The following NCOA6 variants were observed in gnomAD, a reference collection of about 807,000 sequenced individuals.
NCOA6 encodes the protein nuclear receptor coactivator 6, also known as NRC RAP250.
Under a neutral mutation model 171.4 loss-of-function variants are expected in NCOA6, and 49 were observed. The ratio of observed to expected loss-of-function variants is 0.29; its 90% CI spans 0.23 to 0.36. The LOEUF (loss-of-function observed/expected upper bound fraction) is 0.36, where lower values mean the gene tolerates loss of function less well. Ranked by LOEUF, NCOA6 falls within the 10% of genes least tolerant of loss-of-function variation. The probability of loss-of-function intolerance (pLI) is 1.00; values close to 1 mark genes in which losing one functional copy is unlikely to be tolerated. For synonymous variants in NCOA6, 910 were observed against 927.5 expected, an observed-to-expected ratio of 0.98 and a Z score of 0.34; for missense variants, 2,248 against 2,554.5, an observed-to-expected ratio of 0.88 and a Z score of 2.59.
At chr20:34,812,852 C>T (rs1193412288) in intron 1 of NCOA6, among the ~76,000 whole-genome samples, 1 of 151,716 alleles carries the variant, frequency 6.6e-6, no homozygotes, top group Non-Finnish European at 1.5e-5. Context: ...CCCACTTCTA[C>T]AAAAAAAATT....
chr20:34,802,836 C>G (rs112103760), intron 1 of NCOA6, among the ~76,000 whole-genome samples: 1,939 of 152,210 alleles, frequency 0.013, 21 homozygotes, highest in Non-Finnish European at 0.021. Flanking sequence ...TTTTTTGAGT[C>G]AGGGTCTCAC....
At chr20:34,813,346 A>C (rs1601146233) in intron 1 of NCOA6, among the ~76,000 whole-genome samples, 1 of 151,804 alleles carries the variant, frequency 6.6e-6, no homozygotes, top group East Asian at 1.9e-4. Context: ...GGCACCTGTA[A>C]TCCCAGCTAC....
At chr20:34,768,279 T>C (rs1405902169) in intron 5 of NCOA6, among the ~76,000 whole-genome samples, 185 bp downstream of exon 5, 1 of 152,206 alleles carries the variant, frequency 6.6e-6, no homozygotes, top group Non-Finnish European at 1.5e-5. Flanking sequence ...GACCAAAAGA[T>C]TGCAAAGATG....
chr20:34,808,437 T>C (rs1010029110), intron 1 of NCOA6, among the ~76,000 whole-genome samples: 2 of 132,096 alleles, frequency 1.5e-5, no homozygotes, highest in African/African-American at 3.0e-5. Flanking sequence ...TTGTCTGTGC[T>C]TTTTTTTTTT....
chr20:34,732,540 G>A lies in NCOA6; in HGVS notation c.5999+19C>T, dbSNP rs1332636881. 1 of 1,612,010 alleles carries A rather than the reference G, an allele frequency of 6.2e-7. No homozygotes were observed. The highest frequency in any genetic ancestry group is 8.5e-7 in the Non-Finnish European group (1 of 1,178,362). On this transcript the variant is annotated intron_variant, in intron 13 of 14. Coordinates refer to ENST00000359003, the MANE Select transcript of NCOA6 (RefSeq NM_014071.5). ...CTTATGCTGTGTTCATGCTACGTCT[G>A]CAGAAATGATCATCTTACCTTTGTC...
In NCOA6 at chr20:34,741,212, G is replaced by C; in HGVS notation, c.5044C>G (p.Pro1682Ala). The C allele has an allele frequency of 6.2e-7, 1 of 1,614,226 alleles. No homozygotes were observed. Among genetic ancestry groups the C allele is most frequent in the South Asian group, 1.1e-5 (1 of 91,082 alleles). ...ATCAGGCCAGAGTTGGTTGTCAGTG[G>C]GGCTGCAGGAATTGTGCTTGGCTGT... ...GSQPSTIPAA[P>A]LTTNSGLMPP... The change falls in exon 11 of 15, where the codon CCA becomes GCA. Residue 1682 changes from proline (P) to alanine (A), a missense_variant. Coordinates refer to ENST00000359003, the MANE Select transcript of NCOA6 (RefSeq NM_014071.5).
chr20:34,722,477 C>G (rs1351408191), intron 14 of NCOA6, among the ~76,000 whole-genome samples: 1 of 151,772 alleles, frequency 6.6e-6, no homozygotes, highest in Non-Finnish European at 1.5e-5. Context: ...GCTAGGAGCT[C>G]AAGATCAGCC....
At chr20:34,812,439 T>A (rs6060060) in intron 1 of NCOA6, among the ~76,000 whole-genome samples, 97 of 152,210 alleles carry the variant, frequency 6.4e-4, no homozygotes, top group African/African-American at 2.2e-3. Context: ...TTGGTAGGGA[T>A]AATAGACAAT....
intron 4 of NCOA6, among the ~76,000 whole-genome samples, chr20:34,772,227 T>C (rs552635045): frequency 7.9e-5 from 12 of 151,962 alleles, no homozygotes; most frequent in Middle Eastern, 3.4e-3. Flanking sequence ...GATGGGAGGA[T>C]TGCTTAAGCC....
At chr20:34,805,428 T>C (rs1461819996) in intron 1 of NCOA6, among the ~76,000 whole-genome samples, 1 of 152,202 alleles carries the variant, frequency 6.6e-6, no homozygotes, top group Non-Finnish European at 1.5e-5. Flanking sequence ...GTGCCTGGCT[T>C]ATTTCACTTA....
At chr20:34,720,790 C>T (rs905735506) in intron 14 of NCOA6, among the ~76,000 whole-genome samples, 2 of 152,282 alleles carry the variant, frequency 1.3e-5, no homozygotes, top group African/African-American at 4.8e-5. Context: ...ATTTTAGAAA[C>T]CAGCTTGATA....
At chr20:34,776,509 T>A (rs747074015) in intron 3 of NCOA6, 61 bp from the exon 4 acceptor site, 10 of 1,576,502 alleles carry the variant, frequency 6.3e-6, no homozygotes, top group Non-Finnish European at 8.7e-6. Context: ...GGAGATGGAA[T>A]TAAAAAACAA....
intron 5 of NCOA6, among the ~76,000 whole-genome samples, chr20:34,763,243 T>C (rs530064907): frequency 6.6e-6 from 1 of 152,342 alleles, no homozygotes; most frequent in African/African-American, 2.4e-5. Context: ...TTTTCAAACA[T>C]ATGTTAAACC....
At chr20:34,719,882 T>C (rs1177568897) in intron 14 of NCOA6, among the ~76,000 whole-genome samples, 1 of 152,204 alleles carries the variant, frequency 6.6e-6, no homozygotes, top group Non-Finnish European at 1.5e-5. Flanking sequence ...ATTATAAATG[T>C]ATGTTCACTT....
At chr20:34,776,610 G>A (rs917106669) in intron 3 of NCOA6, 162 bp from the exon 4 acceptor site, 2 of 840,196 alleles carry the variant, frequency 2.4e-6, no homozygotes, top group Non-Finnish European at 1.9e-6. Context: ...TCTAATCCTA[G>A]CTTTGCCACT....
chr20:34,734,168 G>A (rs893608072), intron 12 of NCOA6, among the ~76,000 whole-genome samples: 29 of 152,040 alleles, frequency 1.9e-4, no homozygotes, highest in Non-Finnish European at 3.7e-4. Flanking sequence ...GGGTTCAAGC[G>A]ATTCTCCTGC....
At chr20:34,737,347 G>T (rs935365354) in intron 11 of NCOA6, among the ~76,000 whole-genome samples, 3 of 151,792 alleles carry the variant, frequency 2.0e-5, no homozygotes, top group African/African-American at 7.3e-5. Flanking sequence ...TAGGGGCAAG[G>T]CACTGTGCCA....
chr20:34,748,748 T>G (rs191527425), intron 9 of NCOA6, among the ~76,000 whole-genome samples: 1 of 152,224 alleles, frequency 6.6e-6, no homozygotes, highest in Non-Finnish European at 1.5e-5. Context: ...TCCAATCATC[T>G]TAGCGTGGGG....
chr20:34,773,590 C>A (rs1328228223), intron 4 of NCOA6, among the ~76,000 whole-genome samples: 2 of 151,940 alleles, frequency 1.3e-5, no homozygotes, highest in African/African-American at 2.4e-5. Flanking sequence ...GTGGCATGAT[C>A]TCGGCTCACC....
Sources: gnomAD v4.1 joint callset for allele counts (sites outside exome capture counted in the v4.1 genomes callset) on GRCh38, gnomAD v4.1.1 for gene constraint, MANE v1.5 for transcripts, NCBI Gene and HGNC (gene_info 2026-07-23, HGNC 2026-07-21) for gene names.